ZNF385D: variants seen among roughly 807,000 people sequenced by gnomAD.
The protein encoded by ZNF385D is zinc finger protein 385D, also known as zinc finger protein 659.
Under a neutral mutation model 35.8 loss-of-function variants are expected in ZNF385D, and 15 were observed. The observed-to-expected ratio is 0.42, with a 90% CI of 0.28 to 0.64. The LOEUF is 0.64. Ranked by LOEUF, ZNF385D falls within the 30% of genes least tolerant of loss-of-function variation. The probability of loss-of-function intolerance (pLI) is 0.23; values close to 1 mark genes in which losing one functional copy is unlikely to be tolerated. For missense variants in ZNF385D, 474 were observed against 494.6 expected, an observed-to-expected ratio of 0.96 and a Z score of 0.39; for synonymous variants, 212 against 186.8, an observed-to-expected ratio of 1.13 and a Z score of -1.10.
chr3:21,568,898 G>T (rs1250181444), intron 2 of ZNF385D, among the ~76,000 whole-genome samples: 1 of 152,112 alleles, frequency 6.6e-6, no homozygotes, highest in African/African-American at 2.4e-5. Flanking sequence ...AACCTGTGCA[G>T]CACTGAATTA....
At chr3:21,890,464 C>G (rs1698792050) in intron 3 of ZNF385D, among the ~76,000 whole-genome samples, 1 of 151,902 alleles carries the variant, frequency 6.6e-6, no homozygotes. Flanking sequence ...ACTAAAAATA[C>G]AAAAATTAGC....
At chr3:21,446,319 T>C (rs1446956612) in intron 4 of ZNF385D, among the ~76,000 whole-genome samples, 1 of 152,082 alleles carries the variant, frequency 6.6e-6, no homozygotes, top group African/African-American at 2.4e-5. Context: ...GAGTGACCAG[T>C]GTCCTTGTTT....
intron 3 of ZNF385D, among the ~76,000 whole-genome samples, chr3:22,083,198 G>T (rs1419036711): frequency 1.3e-5 from 2 of 152,184 alleles, no homozygotes; most frequent in African/African-American, 2.4e-5. Flanking sequence ...GCAGCTCCTC[G>T]CCAGCAATGG....
chr3:21,735,401 G>A (rs17009390), intron 1 of ZNF385D, among the ~76,000 whole-genome samples: 26,439 of 151,942 alleles, frequency 0.17, 2,725 homozygotes, highest in Admixed American at 0.31. Context: ...TTGCTTATTC[G>A]GGCTAGGCAA....
chr3:22,073,151 T>A (rs1468738451), intron 3 of ZNF385D, among the ~76,000 whole-genome samples: 1 of 152,042 alleles, frequency 6.6e-6, no homozygotes, highest in Non-Finnish European at 1.5e-5. Flanking sequence ...TTTACCTGCT[T>A]GAAACAAAGC....
intron 3 of ZNF385D, among the ~76,000 whole-genome samples, chr3:21,952,076 T>G (rs1327452248): frequency 1.3e-5 from 2 of 148,806 alleles, no homozygotes; most frequent in Non-Finnish European, 2.9e-5. Context: ...TTTAAGCAAC[T>G]AAGAACCAAT....
intron 4 of ZNF385D, among the ~76,000 whole-genome samples, chr3:21,462,682 AG>A (rs1194645543): frequency 2.0e-5 from 3 of 152,342 alleles, no homozygotes; most frequent in Non-Finnish European, 4.4e-5. Flanking sequence ...TAAGCAAAAA[AG>A]CTGAAGAGGC....
intron 3 of ZNF385D, among the ~76,000 whole-genome samples, chr3:21,523,836 G>A (rs1283165177): frequency 6.6e-6 from 1 of 152,082 alleles, no homozygotes; most frequent in East Asian, 1.9e-4. Flanking sequence ...TCTGGCAGGG[G>A]CAGGGAGTCT....
chr3:21,451,034 G>C (rs914627138), intron 4 of ZNF385D, among the ~76,000 whole-genome samples: 2 of 151,970 alleles, frequency 1.3e-5, no homozygotes, highest in Non-Finnish European at 2.9e-5. Flanking sequence ...AATTAGAAAG[G>C]AAAGAGACAA....
At chr3:21,487,729 T>C (rs1049867148) in intron 4 of ZNF385D, among the ~76,000 whole-genome samples, 2 of 152,128 alleles carry the variant, frequency 1.3e-5, no homozygotes, top group African/African-American at 4.8e-5. Flanking sequence ...TTTGCTGACG[T>C]CACATCTTGG....
chr3:21,580,652 G>A (rs955584313), intron 2 of ZNF385D, among the ~76,000 whole-genome samples: 3 of 151,636 alleles, frequency 2.0e-5, no homozygotes, highest in Admixed American at 1.3e-4. Flanking sequence ...TTCTCTGTAG[G>A]TTATCTTTTT....
At chr3:21,793,462 T>G (rs1006199691) in intron 3 of ZNF385D, among the ~76,000 whole-genome samples, 1 of 152,252 alleles carries the variant, frequency 6.6e-6, no homozygotes, top group Non-Finnish European at 1.5e-5. Flanking sequence ...TCTCAGGGAC[T>G]GAACTAGACC....
intron 3 of ZNF385D, among the ~76,000 whole-genome samples, chr3:22,120,271 C>T (rs1318620591): frequency 1.3e-5 from 2 of 152,002 alleles, no homozygotes; most frequent in Non-Finnish European, 2.9e-5. Context: ...GTCTAAACTT[C>T]AGGTGTTGGA....
intron 2 of ZNF385D, among the ~76,000 whole-genome samples, chr3:22,255,867 T>A (rs569868853): frequency 1.3e-5 from 2 of 151,758 alleles, no homozygotes; most frequent in South Asian, 4.1e-4. Flanking sequence ...GTTGATTGGA[T>A]TGAAGGATAC....
At chr3:21,466,898 C>T (rs1035778290) in intron 4 of ZNF385D, among the ~76,000 whole-genome samples, 2 of 151,972 alleles carry the variant, frequency 1.3e-5, no homozygotes, top group African/African-American at 2.4e-5. Flanking sequence ...TATACTGGCC[C>T]AAAACAATGA....
intron 3 of ZNF385D, among the ~76,000 whole-genome samples, chr3:22,025,000 G>A (rs931161897): frequency 9.2e-5 from 14 of 152,100 alleles, no homozygotes; most frequent in African/African-American, 2.7e-4. Flanking sequence ...CAAAAGATGC[G>A]TGCGCAGCCT....
chr3:21,694,042 C>CAATTTTTTTTTTT (rs2067379516), intron 1 of ZNF385D, among the ~76,000 whole-genome samples: 1 of 22,178 alleles, frequency 4.5e-5, no homozygotes, highest in Non-Finnish European at 8.5e-5. Context: ...CTACGCCTGG[C>CAATTTTTTTTTTT]TTTTTTTTTT....
In ZNF385D at chr3:22,366,869, G is replaced by A. The variant is rs1287534168; in HGVS notation, c.106+5581C>T. 1.8e-4 allele frequency among the ~76,000 whole-genome samples: 27 copies of A among 152,120 alleles called. 1 individual carries two copies. The highest frequency in any genetic ancestry group is 1.8e-3 in the Admixed American group (27 of 15,258). On this transcript the variant is annotated intron_variant, in intron 2 of 5. Transcript: ENST00000494108. ...AGAGATCAGACACTCAGAGAAGAAG[G>A]CAGTGAAGACAAAGGCCGAGATTGG...
intron 3 of ZNF385D, among the ~76,000 whole-genome samples, chr3:22,131,806 T>C (rs1463101963): frequency 6.6e-6 from 1 of 152,160 alleles, no homozygotes; most frequent in Non-Finnish European, 1.5e-5. Flanking sequence ...GAGAAAGCTA[T>C]TAAACCTTAA....
Sources: allele counts gnomAD v4.1 joint callset (sites outside exome capture counted in the v4.1 genomes callset), GRCh38; gene constraint gnomAD v4.1.1; transcripts MANE v1.5; gene names NCBI Gene and HGNC (gene_info 2026-07-23, HGNC 2026-07-21).